The following CFAP299 variants were observed in gnomAD, a reference collection of about 807,000 sequenced individuals.
CFAP299 encodes the protein cilia and flagella associated protein 299.
In CFAP299, 21 loss-of-function variants were observed where a neutral mutation model predicts 27.0. The observed-to-expected ratio is 0.78, with a 90% CI of 0.55 to 1.12. The LOEUF (loss-of-function observed/expected upper bound fraction) is 1.12, where lower values mean the gene tolerates loss of function less well. Among genes scored for constraint, CFAP299 ranks in the 50% most tolerant of loss-of-function variants. The probability of loss-of-function intolerance (pLI) is 0.00; values close to 1 mark genes in which losing one functional copy is unlikely to be tolerated. For synonymous variants in CFAP299, 104 were observed against 98.1 expected, an observed-to-expected ratio of 1.06 and a Z score of -0.36; for missense variants, 310 against 276.6, an observed-to-expected ratio of 1.12 and a Z score of -0.86.
intron 3 of CFAP299, among the ~76,000 whole-genome samples, chr4:80,671,619 A>G (rs1171754882): frequency 6.6e-6 from 1 of 152,158 alleles, no homozygotes; most frequent in Admixed American, 6.5e-5. Flanking sequence ...GATTCTTCCT[A>G]TCCATGAGTA....
rs144780889 is a variant in CFAP299 at position 80,371,472 on chromosome 4, C to T, written c.242+8588C>T. 3.8e-3 allele frequency among the ~76,000 whole-genome samples: 582 copies of T among 152,260 alleles called. 6 individuals are homozygous for T. Among genetic ancestry groups the T allele is most frequent in the Middle Eastern group, 0.02 (6 of 294 alleles). ...TCACATGGCTAGGCTGCAAATTTTC[C>T]AAACTTTTATACTCTGTTTCTCTTT... is the stretch of plus-strand genomic sequence containing the variant. On this transcript the variant is annotated intron_variant, in intron 2 of 5. Coordinates refer to ENST00000358105, the MANE Select transcript of CFAP299 (RefSeq NM_152770.3).
At chr4:80,760,310 T>C (rs1203975659) in intron 3 of CFAP299, among the ~76,000 whole-genome samples, 1 of 152,112 alleles carries the variant, frequency 6.6e-6, no homozygotes, top group African/African-American at 2.4e-5. Context: ...ATTATAGGAA[T>C]TAGACATAAC....
At chr4:80,855,880 T>G (rs926987113) in intron 3 of CFAP299, among the ~76,000 whole-genome samples, 1 of 151,778 alleles carries the variant, frequency 6.6e-6, no homozygotes, top group Admixed American at 6.6e-5. Flanking sequence ...TGTGCATGTG[T>G]CTTTATAGCA....
At chr4:80,766,144 C>T (rs1457273241) in intron 3 of CFAP299, among the ~76,000 whole-genome samples, 1 of 151,968 alleles carries the variant, frequency 6.6e-6, no homozygotes, top group Non-Finnish European at 1.5e-5. Context: ...AAATGTATAA[C>T]ACCAAAGACA....
chr4:80,718,683 A>G (rs904126829), intron 3 of CFAP299, among the ~76,000 whole-genome samples: 1 of 152,134 alleles, frequency 6.6e-6, no homozygotes, highest in Non-Finnish European at 1.5e-5. Flanking sequence ...AAAACAATAC[A>G]ATTAGAAATT....
intron 2 of CFAP299, among the ~76,000 whole-genome samples, chr4:80,461,955 C>T (rs775839398): frequency 6.6e-6 from 1 of 152,138 alleles, no homozygotes; most frequent in African/African-American, 2.4e-5. Flanking sequence ...CACTTTACCC[C>T]AGTTCCATGG....
At position 80,622,124 on chromosome 4, in the gene CFAP299, G is replaced by A. The variant is rs369235555; in HGVS notation, c.333+38941G>A. 1.8e-4 allele frequency among the ~76,000 whole-genome samples: 28 copies of A among 152,022 alleles called. No homozygotes were observed. The East Asian group carries it at 3.7e-3, about 20-fold the overall frequency. On this transcript the variant is annotated intron_variant, in intron 3 of 5. Coordinates refer to ENST00000358105, the MANE Select transcript of CFAP299 (RefSeq NM_152770.3). Reference sequence around the variant, plus strand: ...TGTCCTATAAGCACAGGGAAATATTGGACTCTTTAATGCAAAAATAAGCCA... The same window carrying A: ...TGTCCTATAAGCACAGGGAAATATTAGACTCTTTAATGCAAAAATAAGCCA...
intron 4 of CFAP299, among the ~76,000 whole-genome samples, chr4:80,904,251 A>C (rs1735072250): frequency 6.6e-6 from 1 of 152,306 alleles, no homozygotes; most frequent in East Asian, 1.9e-4. Context: ...CACTGGATTA[A>C]AGCAGTGCTT....
intron 3 of CFAP299, among the ~76,000 whole-genome samples, chr4:80,624,310 T>A (rs1474847356): frequency 6.6e-6 from 1 of 150,708 alleles, no homozygotes; most frequent in Non-Finnish European, 1.5e-5. Context: ...AAAAAATAAG[T>A]AAAAAGCAAA....
At chr4:80,328,489 G>T in the CFAP299 span, among the ~76,000 whole-genome samples, 1 of 146,134 alleles carries the variant, frequency 6.8e-6, no homozygotes, top group Non-Finnish European at 1.5e-5. Context: ...TGTAGATAGG[G>T]TTGTATTGTG....
intron 3 of CFAP299, among the ~76,000 whole-genome samples, chr4:80,728,363 A>T (rs1034939197): frequency 1.6e-4 from 25 of 152,188 alleles, no homozygotes; most frequent in Admixed American, 6.5e-5. Flanking sequence ...ACAACAACAA[A>T]AACAGTAGAC....
In CFAP299 at chr4:80,524,252, A is replaced by ATGCTTTT. The variant is rs1189215842; in HGVS notation, c.243-58839_243-58833dup. ...TTAAGTCATCTTGTGTTTTTATTTTATGCTTTTTCCTGGATAGTCTAACCA... is the reference window on the plus strand; with the variant it reads ...TTAAGTCATCTTGTGTTTTTATTTTATGCTTTTTGCTTTTTCCTGGATAGTCTAACCA... On this transcript the variant is annotated intron_variant, in intron 2 of 5. Transcript: ENST00000358105. Among the ~76,000 whole-genome samples the ATGCTTTT allele has an allele frequency of 1.5e-4, 23 of 152,076 alleles. 1 individual carries two copies. The highest frequency in any genetic ancestry group is 3.4e-4 in the Non-Finnish European group (23 of 67,972).
intron 4 of CFAP299, among the ~76,000 whole-genome samples, chr4:80,924,536 G>GTATATA (rs1209342041): frequency 2.3e-5 from 3 of 130,998 alleles, no homozygotes; most frequent in African/African-American, 1.1e-4. Flanking sequence ...GTGTGTGTGT[G>GTATATA]TGTATATATA....
chr4:80,888,121 G>T (rs1734062305), intron 4 of CFAP299, among the ~76,000 whole-genome samples: 1 of 152,030 alleles, frequency 6.6e-6, no homozygotes, highest in African/African-American at 2.4e-5. Flanking sequence ...AATGGCAAGA[G>T]TAAGTCCTTA....
At chr4:80,632,704 A>G (rs1739273954) in intron 3 of CFAP299, among the ~76,000 whole-genome samples, 1 of 147,632 alleles carries the variant, frequency 6.8e-6, no homozygotes, top group Non-Finnish European at 1.5e-5. Context: ...TGAGGTGCCT[A>G]TTTTCAAGCT....
chr4:80,537,456 A>G (rs1733798708), intron 2 of CFAP299, among the ~76,000 whole-genome samples: 1 of 152,152 alleles, frequency 6.6e-6, no homozygotes, highest in Non-Finnish European at 1.5e-5. Context: ...CAGTGCATGA[A>G]TAAATAAAGA....
the CFAP299 span, among the ~76,000 whole-genome samples, chr4:80,327,854 T>C: frequency 7.0e-6 from 1 of 143,650 alleles, no homozygotes; most frequent in East Asian, 2.0e-4. Context: ...CTCTGGAACA[T>C]TCAAACATGT....
At chr4:80,846,440 G>T (rs189859396) in intron 3 of CFAP299, among the ~76,000 whole-genome samples, 1 of 152,118 alleles carries the variant, frequency 6.6e-6, no homozygotes, top group East Asian at 1.9e-4. Flanking sequence ...CTCTCATTAG[G>T]TATCCTTGAA....
chr4:80,396,984 A>G lies in CFAP299; in HGVS notation c.242+34100A>G, dbSNP rs189683604. ...CAGCTCCTCCTTGTACCTCTGGTAGAATTTGGCTGTGAATCCATCTGGTCC... is the reference window on the plus strand; with the variant it reads ...CAGCTCCTCCTTGTACCTCTGGTAGGATTTGGCTGTGAATCCATCTGGTCC... On this transcript the variant is annotated intron_variant, in intron 2 of 5. Coordinates refer to ENST00000358105, the MANE Select transcript of CFAP299 (RefSeq NM_152770.3). Among the ~76,000 whole-genome samples, 139 of 152,292 alleles carry G rather than the reference A, an allele frequency of 9.1e-4. 2 individuals carry two copies. In the East Asian group the frequency reaches 0.024, roughly 26 times the overall value.
Sources: allele counts gnomAD v4.1 joint callset (sites outside exome capture counted in the v4.1 genomes callset), GRCh38; gene constraint gnomAD v4.1.1; transcripts MANE v1.5; gene names NCBI Gene and HGNC (gene_info 2026-07-23, HGNC 2026-07-21).